Variants in DCAF8L2 observed in about 807,000 individuals in gnomAD.
The protein encoded by DCAF8L2 is DDB1 and CUL4 associated factor 8 like 2.
For synonymous variants in DCAF8L2, 200 were observed against 190.9 expected (o/e 1.05, Z -0.39); for missense variants, 430 against 490.7 (o/e 0.88, Z 1.17).
the DCAF8L2 span, among the ~76,000 whole-genome samples, chrX:27,547,879 CTCTCTCTCTCTT>C: frequency 0.011 from 709 of 65,002 alleles, 11 homozygotes; most frequent in East Asian, 0.02. Context: ...CTTTCTCTCT[CTCTCTCTCTCTT>C]TCTCTCTCTC....
At chrX:27,635,364 C>T (rs1239306268) in intron 2 of DCAF8L2, among the ~76,000 whole-genome samples, 2 of 111,011 alleles carry the variant, frequency 1.8e-5, no homozygotes, top group African/African-American at 6.6e-5. Context: ...GTTCTTAATA[C>T]CCGCCCAAGG....
the DCAF8L2 span, among the ~76,000 whole-genome samples, chrX:27,528,788 G>T: frequency 1.8e-5 from 2 of 110,767 alleles, no homozygotes; most frequent in Non-Finnish European, 1.9e-5. Context: ...TAAATAAACT[G>T]AGCGTCATTC....
intron 1 of DCAF8L2, among the ~76,000 whole-genome samples, chrX:27,617,343 G>A (rs1383227228): frequency 9.0e-6 from 1 of 110,719 alleles, no homozygotes; most frequent in African/African-American, 3.3e-5. Context: ...AGGTAGAGCT[G>A]AGGGAAATGT....
At chrX:27,482,702 T>C in the DCAF8L2 span, among the ~76,000 whole-genome samples, 16 of 112,020 alleles carry the variant, frequency 1.4e-4, no homozygotes, top group Admixed American at 1.5e-3. Flanking sequence ...TTTTGGAACG[T>C]TAGAAAGAAC....
At chrX:27,699,399 A>G (rs1931044775) in intron 3 of DCAF8L2, among the ~76,000 whole-genome samples, 1 of 111,994 alleles carries the variant, frequency 8.9e-6, no homozygotes, top group African/African-American at 3.2e-5. Context: ...GTAAGAGATG[A>G]CTCAGGAGAG....
At chrX:27,583,962 G>A in the DCAF8L2 span, among the ~76,000 whole-genome samples, 1 of 111,617 alleles carries the variant, frequency 9.0e-6, no homozygotes, top group African/African-American at 3.3e-5. Flanking sequence ...GTATGGATCT[G>A]TAAAGACCCC....
intron 4 of DCAF8L2, among the ~76,000 whole-genome samples, chrX:27,743,177 G>T (rs1484779796): frequency 9.1e-6 from 1 of 109,745 alleles, no homozygotes; most frequent in Non-Finnish European, 1.9e-5. Flanking sequence ...GATCTCCCAG[G>T]CCCAAGGGAT....
At chrX:27,705,883 T>C (rs1931326832) in intron 3 of DCAF8L2, among the ~76,000 whole-genome samples, 1 of 111,672 alleles carries the variant, frequency 9.0e-6, no homozygotes, top group Admixed American at 9.6e-5. Context: ...CCAGAATGCC[T>C]AGGTTGCCTA....
At chrX:27,539,205 A>C in the DCAF8L2 span, among the ~76,000 whole-genome samples, 56 of 111,545 alleles carry the variant, frequency 5.0e-4, no homozygotes, top group African/African-American at 1.6e-3. Context: ...CTTCCTCTTA[A>C]ATTGAAAATA....
chrX:27,596,275 G>C (rs913510854), intron 1 of DCAF8L2, among the ~76,000 whole-genome samples: 1 of 111,704 alleles, frequency 9.0e-6, no homozygotes, highest in Non-Finnish European at 1.9e-5. Flanking sequence ...ATGAATACAG[G>C]AAGGCAGATG....
At chrX:27,714,005 A>G (rs1011630258) in intron 3 of DCAF8L2, among the ~76,000 whole-genome samples, 1 of 111,815 alleles carries the variant, frequency 8.9e-6, no homozygotes, top group Middle Eastern at 4.2e-3. Context: ...TATGACCCTT[A>G]TATAGGTAGA....
At chrX:27,541,235 T>C in the DCAF8L2 span, among the ~76,000 whole-genome samples, 3 of 112,187 alleles carry the variant, frequency 2.7e-5, 1 homozygote, top group South Asian at 7.2e-4. Flanking sequence ...TGTAGAAATA[T>C]GATCTGACAA....
the DCAF8L2 span, among the ~76,000 whole-genome samples, chrX:27,569,976 A>C: frequency 1.8e-5 from 2 of 112,048 alleles, no homozygotes; most frequent in Non-Finnish European, 3.8e-5. Context: ...AATTGCCAAG[A>C]TTCAACTTTT....
At chrX:27,521,539 G>A in the DCAF8L2 span, among the ~76,000 whole-genome samples, 47 of 112,242 alleles carry the variant, frequency 4.2e-4, no homozygotes, top group African/African-American at 1.5e-3. Flanking sequence ...AAACTATGGA[G>A]AACGCTGTGA....
chrX:27,562,449 T>C, the DCAF8L2 span, among the ~76,000 whole-genome samples: 3 of 112,491 alleles, frequency 2.7e-5, no homozygotes, highest in East Asian at 8.4e-4. Context: ...GTGACCCAGC[T>C]CTAAAACACC....
chrX:27,650,888 A>T (rs1455141881), intron 2 of DCAF8L2, among the ~76,000 whole-genome samples: 1 of 110,731 alleles, frequency 9.0e-6, no homozygotes, highest in African/African-American at 3.3e-5. Context: ...CTCAAGGGGG[A>T]TGCTTCCAGT....
chrX:27,734,660 C>T (rs1921419023), intron 4 of DCAF8L2, among the ~76,000 whole-genome samples: 1 of 111,874 alleles, frequency 8.9e-6, no homozygotes, highest in Non-Finnish European at 1.9e-5. Flanking sequence ...TAATTTTCTA[C>T]TGGGGAGCAT....
chrX:27,497,729 C>T, the DCAF8L2 span, among the ~76,000 whole-genome samples: 4 of 110,919 alleles, frequency 3.6e-5, no homozygotes, highest in African/African-American at 6.6e-5. Flanking sequence ...CCACCGCGCC[C>T]GGCTAATTTT....
At chrX:27,734,930 AT>A (rs1328853720) in intron 4 of DCAF8L2, among the ~76,000 whole-genome samples, 1 of 111,780 alleles carries the variant, frequency 8.9e-6, no homozygotes, top group Non-Finnish European at 1.9e-5. Flanking sequence ...AAATGGTACA[AT>A]TTCTGTAACG....
Sources: gnomAD v4.1 joint callset for allele counts (sites outside exome capture counted in the v4.1 genomes callset) on GRCh38, gnomAD v4.1.1 for gene constraint, MANE v1.5 for transcripts, NCBI Gene and HGNC (gene_info 2026-07-23, HGNC 2026-07-21) for gene names.